The following CLIP1 variants were observed in gnomAD, a reference collection of about 807,000 sequenced individuals.
CLIP1 encodes CAP-Gly domain-containing linker protein 1.
In CLIP1, 66 loss-of-function variants were observed where a neutral mutation model predicts 161.6. That is an observed-to-expected ratio of 0.41 (90% CI 0.33 to 0.50). CLIP1 has a LOEUF of 0.50. Ranked by LOEUF, CLIP1 falls within the 20% of genes least tolerant of loss-of-function variation. CLIP1 has a pLI of 0.27. For synonymous variants in CLIP1, 598 were observed against 626.2 expected, an observed-to-expected ratio of 0.96 and a Z score of 0.67; for missense variants, 1,376 against 1,702.0, an observed-to-expected ratio of 0.81 and a Z score of 3.37.
At chr12:122,326,764 C>CAA (rs199512756) in intron 17 of CLIP1, among the ~76,000 whole-genome samples, 1 of 143,518 alleles carries the variant, frequency 7.0e-6, no homozygotes, top group African/African-American at 2.5e-5. Context: ...AAAGGAAATA[C>CAA]AAAAAAAAAA....
intron 6 of CLIP1, 130 bp from the exon 7 acceptor site, chr12:122,354,686 T>G (rs1953242635): frequency 1.5e-6 from 1 of 656,298 alleles, no homozygotes; most frequent in African/African-American, 1.8e-5. Context: ...TTAAAAAGCT[T>G]TCTCTATTTT....
chr12:122,305,595 G>A lies in CLIP1; in HGVS notation c.3594+4167C>T, dbSNP rs911849522. On this transcript the variant is annotated intron_variant, in intron 20 of 25. Coordinates refer to ENST00000620786, the MANE Select transcript of CLIP1 (RefSeq NM_001247997.2). ...ACAACTCTGCAACAAAAGCTACTGCGATGGTTAATACTGAGTGTCAACTCG... is the reference window on the plus strand; with the variant it reads ...ACAACTCTGCAACAAAAGCTACTGCAATGGTTAATACTGAGTGTCAACTCG... Among the ~76,000 whole-genome samples, 14 of 152,190 alleles carry A rather than the reference G, an allele frequency of 9.2e-5. 1 individual carries two copies. Among genetic ancestry groups the A allele is most frequent in the Non-Finnish European group, 4.4e-5 (3 of 68,038 alleles).
Position 122,422,570 on chromosome 12 carries a change from AGCCGCCGCG to A in CLIP1, c.-165_-157del, listed in dbSNP as rs1021473516. 7.5e-4 allele frequency: 111 copies of A among 148,846 alleles called. No individual in the cohort carries two copies. Among genetic ancestry groups the A allele is most frequent in the Middle Eastern group, 3.5e-3 (1 of 282 alleles). The allele number at this position is 148,846 out of a possible 1,614,324, so 9.2% of individuals were successfully genotyped here. A position where few individuals can be genotyped will look rare whatever the true frequency, so the allele number is the denominator to read the frequency against. On this transcript the variant is annotated 5_prime_UTR_variant, in exon 1 of 26. Transcript: ENST00000620786. ...CCACCTGTCCCACTGCAGCAGCAGC[AGCCGCCGCG>A]GCCGCCGCCTCCCGCCTCCCGGCTC...
At chr12:122,339,199 G>A (rs532065057) in intron 11 of CLIP1, among the ~76,000 whole-genome samples, 4 of 152,170 alleles carry the variant, frequency 2.6e-5, no homozygotes, top group Non-Finnish European at 5.9e-5. Flanking sequence ...CACTTGTTCA[G>A]TATTTCCCCC....
chr12:122,310,671 T>G (rs1393935534), intron 19 of CLIP1, among the ~76,000 whole-genome samples: 3 of 152,214 alleles, frequency 2.0e-5, no homozygotes, highest in African/African-American at 7.2e-5. Context: ...ATGCACAATA[T>G]TTGATCACTA....
chr12:122,414,349 T>C (rs571891816), intron 1 of CLIP1, among the ~76,000 whole-genome samples: 3 of 151,894 alleles, frequency 2.0e-5, no homozygotes, highest in East Asian at 1.9e-4. Flanking sequence ...GAAGTCTCAA[T>C]GTGTTGCCCA....
intron 21 of CLIP1, among the ~76,000 whole-genome samples, chr12:122,282,994 T>C (rs957986576): frequency 5.3e-5 from 8 of 152,104 alleles, no homozygotes; most frequent in South Asian, 2.1e-4. Flanking sequence ...TCCTCAGAAT[T>C]TGGGGGCTTT....
At chr12:122,354,881 G>T (rs1366840998) in intron 6 of CLIP1, 1 of 590,190 alleles carries the variant, frequency 1.7e-6, no homozygotes, top group Non-Finnish European at 3.0e-6. Context: ...CAGGCCAAAA[G>T]ACCCGGACAC....
chr12:122,356,908 G>C (rs571263289), intron 5 of CLIP1, among the ~76,000 whole-genome samples: 1 of 152,258 alleles, frequency 6.6e-6, no homozygotes, highest in Admixed American at 6.5e-5. Flanking sequence ...CCGAGGTGCC[G>C]AGATTGCAGA....
At chr12:122,325,596 A>G (rs1167684176) in intron 17 of CLIP1, among the ~76,000 whole-genome samples, 1 of 151,964 alleles carries the variant, frequency 6.6e-6, no homozygotes, top group East Asian at 1.9e-4. Flanking sequence ...ATCCTCTTTT[A>G]AGCATATACA....
At chr12:122,301,939 G>A (rs1307451456) in intron 20 of CLIP1, among the ~76,000 whole-genome samples, 4 of 152,162 alleles carry the variant, frequency 2.6e-5, no homozygotes, top group Non-Finnish European at 5.9e-5. Flanking sequence ...AATAGTCATT[G>A]TCTGGAGACG....
rs147518954 is a variant in CLIP1 at position 122,273,470 on chromosome 12, T to C, written c.4092-370A>G. ...TTTGCCAAGTTAGCCAAGTTGGTCT[T>C]GAACTCCTGACCCCAGGTGATCTGC... On this transcript the variant is annotated intron_variant, in intron 25 of 25. Transcript: ENST00000620786. 3.3e-3 allele frequency among the ~76,000 whole-genome samples: 502 copies of C among 152,250 alleles called. 3 individuals are homozygous for C. Among genetic ancestry groups the C allele is most frequent in the African/African-American group, 0.012 (480 of 41,542 alleles).
Position 122,274,086 on chromosome 12 carries a change from G to C in CLIP1, c.4043C>G (p.Ser1348Ter), listed in dbSNP as rs778807287. 2 of 1,613,610 alleles carry C rather than the reference G, an allele frequency of 1.2e-6. 1 individual carries two copies. The highest frequency in any genetic ancestry group is 2.2e-5 in the South Asian group (2 of 91,068). The change falls in exon 25 of 26, where the codon TCA becomes TGA. Residue 1348 changes from serine to a stop codon, truncating the protein, a stop_gained. Transcript: ENST00000620786. LOFTEE classifies it high-confidence loss of function. ...CCCGTTCCCATTCAGGGCTGCTTCT[G>C]ACATCATCTCCACCTTCATCTTGAG... ...QDLKMKVEMM[S>*]EAALNGNGDD... is the part of the protein sequence containing the mutation.
intron 1 of CLIP1, among the ~76,000 whole-genome samples, chr12:122,383,635 G>A (rs1385944562): frequency 6.6e-6 from 1 of 152,148 alleles, no homozygotes; most frequent in Non-Finnish European, 1.5e-5. Flanking sequence ...CAACGCCAGT[G>A]TTGATTTTTT....
intron 19 of CLIP1, 63 bp from the exon 20 acceptor site, chr12:122,309,945 C>CA (rs1330758412): frequency 4.6e-5 from 74 of 1,592,126 alleles, no homozygotes; most frequent in Non-Finnish European, 5.8e-5. Flanking sequence ...CTGTGGGAGA[C>CA]AACCAGCTTC....
At chr12:122,313,916 G>A (rs1196455202) in intron 19 of CLIP1, among the ~76,000 whole-genome samples, 2 of 152,036 alleles carry the variant, frequency 1.3e-5, no homozygotes, top group African/African-American at 4.8e-5. Flanking sequence ...CAGCACTTTG[G>A]GAGGTCAAGG....
chr12:122,408,435 A>G (rs1192424006), intron 1 of CLIP1, among the ~76,000 whole-genome samples: 1 of 151,182 alleles, frequency 6.6e-6, no homozygotes, highest in Non-Finnish European at 1.5e-5. Flanking sequence ...TGCAACCTCT[A>G]CCTCCCAGGT....
intron 15 of CLIP1, among the ~76,000 whole-genome samples, chr12:122,331,173 C>T (rs984259053): frequency 6.6e-6 from 1 of 151,952 alleles, no homozygotes; most frequent in Non-Finnish European, 1.5e-5. Context: ...CGCCACCATA[C>T]CCGGCTAATT....
intron 20 of CLIP1, among the ~76,000 whole-genome samples, chr12:122,301,842 C>G (rs1950692960): frequency 6.6e-6 from 1 of 152,188 alleles, no homozygotes; most frequent in African/African-American, 2.4e-5. Flanking sequence ...AATTTATCAT[C>G]AAGTGGCTCC....
Sources: gnomAD v4.1 joint callset for allele counts (sites outside exome capture counted in the v4.1 genomes callset) on GRCh38, gnomAD v4.1.1 for gene constraint, MANE v1.5 for transcripts, NCBI Gene and HGNC (gene_info 2026-07-23, HGNC 2026-07-21) for gene names.